ZNF589: variants seen among roughly 807,000 people sequenced by gnomAD.
ZNF589 encodes zinc finger protein 589, also known as KRAB-zinc finger protein SZF1-1.
Under a neutral mutation model 13.6 loss-of-function variants are expected in ZNF589, and 17 were observed. The observed-to-expected ratio is 1.25, with a 90% CI of 0.86 to 1.88. ZNF589 has a LOEUF of 1.88. Ranked by LOEUF, ZNF589 falls within the 40% of genes most tolerant of loss-of-function variation. The probability of loss-of-function intolerance (pLI) is 0.00; values close to 1 mark genes in which losing one functional copy is unlikely to be tolerated. For synonymous variants in ZNF589, 148 were observed against 161.6 expected (o/e 0.92, Z 0.64); for missense variants, 407 against 434.0 (o/e 0.94, Z 0.55).
rs779030965 is a variant in ZNF589, at chr3:48,256,793, A to G, written c.97-4020A>G. 5.1e-6 allele frequency: 8 copies of G among 1,582,462 alleles called. No individual in the cohort carries two copies. In the East Asian group the frequency reaches 9.0e-5, roughly 18 times the overall value. ...GGGAGTCGCTGTGATACGGCCTTCA[A>G]TTATAGTTGTCTTTCCTTCTTGGAT... On this transcript the variant is annotated intron_variant, in intron 2 of 3. Coordinates refer to ENST00000354698, the MANE Select transcript of ZNF589 (RefSeq NM_016089.3).
At chr3:48,262,668 T>C (rs1559982711) in intron 3 of ZNF589, among the ~76,000 whole-genome samples, 1 of 152,118 alleles carries the variant, frequency 6.6e-6, no homozygotes, top group Non-Finnish European at 1.5e-5. Flanking sequence ...TTCTAAAAAC[T>C]TCTCTTAATT....
intron 1 of ZNF589, among the ~76,000 whole-genome samples, chr3:48,245,265 C>T (rs1260147269): frequency 1.3e-5 from 2 of 152,122 alleles, no homozygotes; most frequent in Non-Finnish European, 2.9e-5. Context: ...CAGGTGTACA[C>T]CACCACGCCC....
At position 48,269,474 on chromosome 3, in the gene ZNF589, C is replaced by G. The variant is rs557371241; in HGVS notation, c.*688C>G. On this transcript the variant is annotated 3_prime_UTR_variant, in exon 4 of 4. Coordinates refer to ENST00000354698, the MANE Select transcript of ZNF589 (RefSeq NM_016089.3). Reference sequence around the variant, plus strand: ...TGGGGAATGTGGGCGGGGATTTGGCCGGAAGATACTCCTCAACAGACACTG... The same window carrying G: ...TGGGGAATGTGGGCGGGGATTTGGCGGGAAGATACTCCTCAACAGACACTG... The G allele has an allele frequency of 2.6e-6, 1 of 384,682 alleles. No homozygotes were observed. The highest frequency in any genetic ancestry group is 2.1e-5 in the African/African-American group (1 of 47,116). 23.8% of individuals were successfully genotyped at this position (384,682 alleles called of 1,614,324 possible). A position where few individuals can be genotyped will look rare whatever the true frequency, so the allele number is the denominator to read the frequency against.
In ZNF589 at chr3:48,268,320, CAGGGTTTGG is replaced by C. The variant is rs2034044342; in HGVS notation, c.632_640del (p.Gly211_Gly213del). ...AGAATTTCCAAGAGGGCAGAAACCCCAGGGTTTGGAGCAGTCACGTTTGGGGAGTGTGCA... is the reference window on the plus strand; with the variant it reads ...AGAATTTCCAAGAGGGCAGAAACCCCAGCAGTCACGTTTGGGGAGTGTGCA... On this transcript the variant is annotated inframe_deletion, in exon 4 of 4. Coordinates refer to ENST00000354698, the MANE Select transcript of ZNF589 (RefSeq NM_016089.3). 2.5e-6 allele frequency: 4 copies of C among 1,614,026 alleles called. No homozygotes were observed. Among genetic ancestry groups the C allele is most frequent in the Non-Finnish European group, 2.5e-6 (3 of 1,179,914 alleles).
At chr3:48,248,947 G>T (rs2033801719) in intron 2 of ZNF589, among the ~76,000 whole-genome samples, 1 of 152,138 alleles carries the variant, frequency 6.6e-6, no homozygotes, top group Non-Finnish European at 1.5e-5. Flanking sequence ...TTCTCAGGAG[G>T]TTTTGTACCA....
chr3:48,260,738 C>G, intron 2 of ZNF589, 75 bp from the exon 3 acceptor site: 2 of 1,604,160 alleles, frequency 1.2e-6, no homozygotes, highest in Admixed American at 1.7e-5. Flanking sequence ...GCTAGATGCT[C>G]CAAGACCACC....
At position 48,269,596 on chromosome 3, in the gene ZNF589, G is replaced by A. The variant is rs7620492; in HGVS notation, c.*810G>A. 7,652 of 290,458 alleles carry A rather than the reference G, an allele frequency of 0.026. 548 individuals carry two copies. Among genetic ancestry groups the A allele is most frequent in the African/African-American group, 0.16 (6,849 of 43,932 alleles). 18.0% of individuals were successfully genotyped at this position (290,458 alleles called of 1,614,324 possible). A position where few individuals can be genotyped will look rare whatever the true frequency, so the allele number is the denominator to read the frequency against. On this transcript the variant is annotated 3_prime_UTR_variant, in exon 4 of 4. Transcript: ENST00000354698. The stretch of plus-strand genomic sequence containing the variant: ...TCAGCTTACATCAGAGGATACACTC[G>A]GGGGAGAAGCCTTATGCATGCGTGG...
intron 1 of ZNF589, among the ~76,000 whole-genome samples, chr3:48,243,940 A>C (rs1341368749): frequency 6.6e-6 from 1 of 152,204 alleles, no homozygotes; most frequent in Non-Finnish European, 1.5e-5. Flanking sequence ...AGATGTGTCC[A>C]ACATGGGCGG....
intron 3 of ZNF589, among the ~76,000 whole-genome samples, chr3:48,262,099 T>C (rs898745530): frequency 6.6e-6 from 1 of 152,232 alleles, no homozygotes; most frequent in Non-Finnish European, 1.5e-5. Context: ...ACTTTTTCTC[T>C]TATTGCTGAA....
Position 48,269,568 on chromosome 3 carries a change from C to A in ZNF589, c.*782C>A. 2 of 336,290 alleles carry A rather than the reference C, an allele frequency of 5.9e-6. No homozygotes were observed. The highest frequency in any genetic ancestry group is 1.2e-5 in the Non-Finnish European group (2 of 171,588). The allele number at this position is 336,290 out of a possible 1,614,324, so 20.8% of individuals were successfully genotyped here. On this transcript the variant is annotated 3_prime_UTR_variant, in exon 4 of 4. Coordinates refer to ENST00000354698, the MANE Select transcript of ZNF589 (RefSeq NM_016089.3). The stretch of plus-strand genomic sequence containing the variant: ...GGGCGAAACTTTAGCCACAAGTCCA[C>A]TCTCAGCTTACATCAGAGGATACAC...
chr3:48,241,192 G>C lies in ZNF589; in HGVS notation c.21G>C (p.Gln7His), dbSNP rs999410048. 3 of 1,613,498 alleles carry C rather than the reference G, an allele frequency of 1.9e-6. No individual in the cohort carries two copies. Among genetic ancestry groups the C allele is most frequent in the African/African-American group, 2.7e-5 (2 of 75,052 alleles). The change falls in exon 1 of 4, where the codon CAG becomes CAC. Residue 7 changes from glutamine to histidine, a missense_variant. By Grantham distance (24) the Gln-to-His change is conservative. Coordinates refer to ENST00000354698, the MANE Select transcript of ZNF589 (RefSeq NM_016089.3). MWAPRE[Q>H]LLGWTAEALP... ...CGCAGATGTGGGCCCCGCGGGAGCAGCTACTGGGCTGGACTGCGGAAGGTG... is the reference window on the plus strand; with the variant it reads ...CGCAGATGTGGGCCCCGCGGGAGCACCTACTGGGCTGGACTGCGGAAGGTG...
chr3:48,249,390 A>G (rs918954564), intron 2 of ZNF589, among the ~76,000 whole-genome samples: 1 of 152,246 alleles, frequency 6.6e-6, no homozygotes, highest in African/African-American at 2.4e-5. Flanking sequence ...GGCATGAGCC[A>G]CTGCGCCCGG....
At chr3:48,248,534 A>T (rs1008982215) in intron 2 of ZNF589, among the ~76,000 whole-genome samples, 1 of 152,156 alleles carries the variant, frequency 6.6e-6, no homozygotes, top group Non-Finnish European at 1.5e-5. Flanking sequence ...CTGATGTTGC[A>T]TATCCCTCTC....
chr3:48,243,028 G>C (rs548092603), intron 1 of ZNF589, among the ~76,000 whole-genome samples: 4 of 151,694 alleles, frequency 2.6e-5, no homozygotes, highest in Non-Finnish European at 4.4e-5. Flanking sequence ...AGCCGAGATC[G>C]CATGACTGCA....
At position 48,241,114 on chromosome 3, in the gene ZNF589, A is replaced by G; in HGVS notation, c.-58A>G. The G allele has an allele frequency of 1.2e-6, 2 of 1,610,136 alleles. No individual in the cohort carries two copies. The highest frequency in any genetic ancestry group is 1.7e-6 in the Non-Finnish European group (2 of 1,177,110). On this transcript the variant is annotated 5_prime_UTR_variant, in exon 1 of 4. Coordinates refer to ENST00000354698, the MANE Select transcript of ZNF589 (RefSeq NM_016089.3). ...CCAGTGGCCCGCGGTGCGCATTCTAATCCGTTTCACACACGGTGCTGCTAC... is the reference window on the plus strand; with the variant it reads ...CCAGTGGCCCGCGGTGCGCATTCTAGTCCGTTTCACACACGGTGCTGCTAC...
At chr3:48,260,993 T>C in intron 3 of ZNF589, 54 bp downstream of exon 3, 1 of 1,586,544 alleles carries the variant, frequency 6.3e-7, no homozygotes, top group Non-Finnish European at 8.6e-7. Context: ...ACTGACCATA[T>C]TCAGTGTGCC....
Position 48,268,455 on chromosome 3 carries a change from G to T in ZNF589, c.764G>T (p.Arg255Leu). The change falls in exon 4 of 4, where the codon CGA (arginine) becomes CTA (leucine). Residue 255 changes from arginine to leucine, a missense_variant. Transcript: ENST00000354698. ...RQSQVCRECGRGFSRKSQLII... is the reference protein window; with the variant it reads ...RQSQVCRECGLGFSRKSQLII... ...TCACAGGTGTGCAGGGAGTGTGGGC[G>T]AGGCTTTAGCAGGAAGTCACAGCTC... The T allele has an allele frequency of 6.2e-7, 1 of 1,614,080 alleles. No individual in the cohort carries two copies. The highest frequency in any genetic ancestry group is 1.1e-5 in the South Asian group (1 of 91,076).
intron 2 of ZNF589, among the ~76,000 whole-genome samples, chr3:48,249,188 C>T (rs192278487): frequency 1.1e-3 from 171 of 151,958 alleles, no homozygotes; most frequent in Admixed American, 2.2e-3. Flanking sequence ...CTGCAACCTC[C>T]GCCTCCTGGA....
At position 48,268,599 on chromosome 3, in the gene ZNF589, C is replaced by T. The variant is rs370843777; in HGVS notation, c.908C>T (p.Pro303Leu). 124 of 1,613,762 alleles carry T rather than the reference C, an allele frequency of 7.7e-5. No individual in the cohort carries two copies. Among genetic ancestry groups the T allele is most frequent in the Non-Finnish European group, 1.0e-4 (119 of 1,179,964 alleles). Residue 303 changes from proline to leucine, a missense_variant, in exon 4 of 4, where the codon CCT becomes CTT. Transcript: ENST00000354698. ...CTGAGTACACACTCCGGGGAGAAAC[C>T]TTATGTGTGCAGCCATTGTGGGCGA... ...NHLSTHSGEKPYVCSHCGRGF... is the reference protein window; with the variant it reads ...NHLSTHSGEKLYVCSHCGRGF...
Sources: allele counts gnomAD v4.1 joint callset (sites outside exome capture counted in the v4.1 genomes callset), GRCh38; gene constraint gnomAD v4.1.1; transcripts MANE v1.5; gene names NCBI Gene and HGNC (gene_info 2026-07-23, HGNC 2026-07-21).